PLA2G7: variants seen among roughly 807,000 people sequenced by gnomAD.
The protein encoded by PLA2G7 is platelet-activating factor acetylhydrolase.
A neutral mutation model predicts 49.6 loss-of-function variants in PLA2G7; 63 were observed. That is an observed-to-expected ratio of 1.27 (90% CI 1.04 to 1.57). PLA2G7 has a LOEUF of 1.57. Among genes scored for constraint, PLA2G7 ranks in the 40% most tolerant of loss-of-function variants. The probability of loss-of-function intolerance (pLI) is 0.00; values close to 1 mark genes in which losing one functional copy is unlikely to be tolerated. For synonymous variants in PLA2G7, 193 were observed against 169.9 expected, an observed-to-expected ratio of 1.14 and a Z score of -1.06; for missense variants, 596 against 521.2, an observed-to-expected ratio of 1.14 and a Z score of -1.40.
chr6:46,715,662 A>C (rs1193996863), intron 4 of PLA2G7, among the ~76,000 whole-genome samples: 7 of 152,238 alleles, frequency 4.6e-5, no homozygotes, highest in Admixed American at 4.6e-4. Flanking sequence ...TGATTTATAA[A>C]TTATTTTGCA....
chr6:46,729,903 G>T (rs1016450196), intron 1 of PLA2G7, among the ~76,000 whole-genome samples: 1 of 152,204 alleles, frequency 6.6e-6, no homozygotes, highest in African/African-American at 2.4e-5. Flanking sequence ...CAGTTCTCCT[G>T]TAAACTCTCA....
chr6:46,714,727 GA>G (rs1256402839), intron 4 of PLA2G7, among the ~76,000 whole-genome samples, 174 bp from the exon 5 acceptor site: 1 of 145,786 alleles, frequency 6.9e-6, no homozygotes, highest in African/African-American at 2.6e-5. Flanking sequence ...CCAAAGAGCT[GA>G]ACTGTAAGTT....
intron 11 of PLA2G7, 132 bp downstream of exon 11, chr6:46,705,021 C>A: frequency 1.4e-6 from 1 of 725,690 alleles, no homozygotes; most frequent in Non-Finnish European, 2.3e-6. Flanking sequence ...TTTCTGTTTT[C>A]AAATTGATAT....
intron 4 of PLA2G7, among the ~76,000 whole-genome samples, chr6:46,714,791 A>C (rs1002633060): frequency 6.8e-6 from 1 of 146,114 alleles, no homozygotes; most frequent in African/African-American, 2.6e-5. Context: ...GCTGGAGTGC[A>C]ATGGCACAAT....
intron 6 of PLA2G7, 37 bp downstream of exon 6, chr6:46,712,232 A>C (rs766853792): frequency 8.0e-7 from 1 of 1,243,458 alleles, no homozygotes; most frequent in South Asian, 1.2e-5. Context: ...CATTCCCTGT[A>C]GTTGGCCAAA....
At position 46,716,969 on chromosome 6, in the gene PLA2G7, C is replaced by T; in HGVS notation, c.231+6G>A. On this transcript the variant is annotated splice_donor_region_variant and intron_variant, in intron 3 of 11. Transcript: ENST00000274793. ...TCAGGATAAGTTGTATAAATCAAAG[C>T]ATTACCTTATTAGTGTGATCAAACA... 6.2e-7 allele frequency: 1 copy of T among 1,612,580 alleles called. No homozygotes were observed. The highest frequency in any genetic ancestry group is 8.5e-7 in the Non-Finnish European group (1 of 1,178,620).
intron 2 of PLA2G7, among the ~76,000 whole-genome samples, 179 bp from the exon 3 acceptor site, chr6:46,717,275 G>C (rs903449167): frequency 3.3e-5 from 5 of 152,134 alleles, no homozygotes; most frequent in Non-Finnish European, 7.4e-5. Flanking sequence ...ACTGTGTAGG[G>C]GTTTTGGAGG....
Position 46,704,474 on chromosome 6 carries a change from TCTCTCACACACACA to T in PLA2G7, c.*72_*85del, listed in dbSNP as rs1428685456. The T allele has an allele frequency of 3.6e-4, 22 of 61,328 alleles. No individual in the cohort carries two copies. Among genetic ancestry groups the T allele is most frequent in the South Asian group, 3.2e-3 (13 of 4,090 alleles). 3.8% of individuals were successfully genotyped at this position (61,328 alleles called of 1,614,324 possible). A position where few individuals can be genotyped will look rare whatever the true frequency, so the allele number is the denominator to read the frequency against. ...CTCTCTCTCTCTCTCTCTCTCTCTCTCTCTCACACACACACACACACACACACACACACACATAA... is the reference window on the plus strand; with the variant it reads ...CTCTCTCTCTCTCTCTCTCTCTCTCTCACACACACACACACACACACATAA... On this transcript the variant is annotated 3_prime_UTR_variant, in exon 12 of 12. Coordinates refer to ENST00000274793, the MANE Select transcript of PLA2G7 (RefSeq NM_005084.4).
intron 2 of PLA2G7, among the ~76,000 whole-genome samples, chr6:46,721,947 TA>T (rs1456492297): frequency 6.6e-6 from 1 of 152,104 alleles, no homozygotes; most frequent in Non-Finnish European, 1.5e-5. Flanking sequence ...TCTGTAGGTA[TA>T]GTCAGTATGA....
intron 1 of PLA2G7, among the ~76,000 whole-genome samples, chr6:46,728,613 A>G (rs895954837): frequency 3.3e-5 from 5 of 152,202 alleles, no homozygotes; most frequent in Admixed American, 6.5e-5. Flanking sequence ...AAATGTCCAA[A>G]TGTTTGGTGT....
At chr6:46,707,292 C>A (rs1764860061) in intron 10 of PLA2G7, among the ~76,000 whole-genome samples, 1 of 152,142 alleles carries the variant, frequency 6.6e-6, no homozygotes. Context: ...GCTCTACCCC[C>A]AAAAATCTGT....
Position 46,716,487 on chromosome 6 carries a change from A to C in PLA2G7, c.273T>G (p.Asp91Glu), listed in dbSNP as rs1446143480. Residue 91 changes from aspartate to glutamate, a missense_variant, in exon 4 of 12, where the codon GAT becomes GAG. Coordinates refer to ENST00000274793, the MANE Select transcript of PLA2G7 (RefSeq NM_005084.4). ...LRLYYPSQDNDRLDTLWIPNK... is the reference protein window; with the variant it reads ...LRLYYPSQDNERLDTLWIPNK... ...TTGGGATCCAAAGGGTGTCAAGGCG[A>C]TCATTATCTTGGGATGGATAATATA... The C allele has an allele frequency of 2.5e-6, 4 of 1,613,790 alleles. No homozygotes were observed. Among genetic ancestry groups the C allele is most frequent in the Non-Finnish European group, 3.4e-6 (4 of 1,179,790 alleles).
At chr6:46,704,993 A>C (rs1023197032) in intron 11 of PLA2G7, among the ~76,000 whole-genome samples, 160 bp downstream of exon 11, 1 of 152,196 alleles carries the variant, frequency 6.6e-6, no homozygotes, top group African/African-American at 2.4e-5. Context: ...GTAAAGCAGC[A>C]AAATTGACTT....
chr6:46,707,294 A>G (rs1345482706), intron 10 of PLA2G7, among the ~76,000 whole-genome samples: 3 of 152,162 alleles, frequency 2.0e-5, no homozygotes, highest in Admixed American at 2.0e-4. Context: ...TCTACCCCCA[A>G]AAATCTGTAG....
rs770111101 is a variant in PLA2G7 at position 46,722,817 on chromosome 6, T to C, written c.75A>G (p.Gln25=). ...CLAVVYPFDW[Q]YINPVAHMKS... The stretch of plus-strand genomic sequence containing the variant: ...TCATATGGGCAACAGGATTTATGTA[T>C]TGCCAGTCAAAAGGATAAACCACAG... Residue 25 remains glutamine, a synonymous_variant, in exon 2 of 12, where the codon CAA becomes CAG. Transcript: ENST00000274793. 1.2e-6 allele frequency: 2 copies of C among 1,612,856 alleles called. No individual in the cohort carries two copies. The highest frequency in any genetic ancestry group is 1.7e-6 in the Non-Finnish European group (2 of 1,178,962).
chr6:46,727,159 T>C (rs1486853655), intron 1 of PLA2G7, among the ~76,000 whole-genome samples: 1 of 152,190 alleles, frequency 6.6e-6, no homozygotes, highest in Non-Finnish European at 1.5e-5. Flanking sequence ...GAAACCACAG[T>C]GCCCTACCTG....
At chr6:46,718,393 T>C (rs955775876) in intron 2 of PLA2G7, among the ~76,000 whole-genome samples, 9 of 152,258 alleles carry the variant, frequency 5.9e-5, no homozygotes, top group Non-Finnish European at 4.4e-5. Flanking sequence ...GGCCTATCCT[T>C]CCAGTGCTCT....
chr6:46,710,103 TA>T (rs1433981991), intron 8 of PLA2G7, among the ~76,000 whole-genome samples: 1 of 152,146 alleles, frequency 6.6e-6, no homozygotes, highest in African/African-American at 2.4e-5. Flanking sequence ...ACCATCATCT[TA>T]TTCTCTAGTT....
rs140020965 is a variant in PLA2G7 at position 46,709,337 on chromosome 6, G to A, written c.859C>T (p.Gln287Ter). Reference protein sequence around the residue: ...ATVIQTLSEDQRFRCGIALDA... With the variant: ...ATVIQTLSED ...ATCTTATTTTCTTACCTGAATCTCT[G>A]ATCTTCACTAAGAGTCTGAATAACC... The change falls in exon 9 of 12, where the codon CAG becomes TAG. Residue 287 changes from glutamine (Q) to a stop codon, truncating the protein, a stop_gained. Transcript: ENST00000274793. LOFTEE classifies it high-confidence loss of function. The A allele has an allele frequency of 2.4e-4, 382 of 1,575,986 alleles. No homozygotes were observed. Among genetic ancestry groups the A allele is most frequent in the Non-Finnish European group, 3.2e-4 (363 of 1,146,062 alleles).
Sources: gnomAD v4.1 joint callset for allele counts (sites outside exome capture counted in the v4.1 genomes callset) on GRCh38, gnomAD v4.1.1 for gene constraint, MANE v1.5 for transcripts, NCBI Gene and HGNC (gene_info 2026-07-23, HGNC 2026-07-21) for gene names.